FBXW2: variants seen among roughly 807,000 people sequenced by gnomAD.
The protein encoded by FBXW2 is F-box/WD repeat-containing protein 2.
A neutral mutation model predicts 46.0 loss-of-function variants in FBXW2; 12 were observed. That is an observed-to-expected ratio of 0.26 (90% CI 0.17 to 0.42). The LOEUF is 0.42. Among genes scored for constraint, FBXW2 ranks in the 10% least tolerant of loss-of-function variants. The pLI is 1.00. For synonymous variants in FBXW2, 203 were observed against 209.6 expected (o/e 0.97, Z 0.27); for missense variants, 360 against 537.0 (o/e 0.67, Z 3.26).
At position 120,774,337 on chromosome 9, in the gene FBXW2, CAAAA is replaced by C. The variant is rs34199690; in HGVS notation, c.820-1501_820-1498del. On this transcript the variant is annotated intron_variant, in intron 5 of 7. Coordinates refer to ENST00000608872, the MANE Select transcript of FBXW2 (RefSeq NM_012164.4). ...GCGCAACAAGAGTGAAACTCCATCTCAAAAAAAAAAAAAAAAAAAAAGAAATTAG... is the reference window on the plus strand; with the variant it reads ...GCGCAACAAGAGTGAAACTCCATCTCAAAAAAAAAAAAAAAAAGAAATTAG... 9.8e-3 allele frequency among the ~76,000 whole-genome samples: 748 copies of C among 76,100 alleles called. 11 individuals carry two copies. Among genetic ancestry groups the C allele is most frequent in the African/African-American group, 0.033 (684 of 20,544 alleles). 49.9% of individuals were successfully genotyped at this position (76,100 alleles called of 152,430 possible).
At chr9:120,782,909 T>C (rs1261010782) in intron 3 of FBXW2, among the ~76,000 whole-genome samples, 1 of 152,152 alleles carries the variant, frequency 6.6e-6, no homozygotes, top group African/African-American at 2.4e-5. Context: ...CTATATAGTG[T>C]ATTATATACT....
intron 4 of FBXW2, chr9:120,776,481 A>C (rs966103022): frequency 2.5e-6 from 1 of 406,598 alleles, no homozygotes; most frequent in African/African-American, 2.1e-5. Flanking sequence ...GAGAGGCAAA[A>C]CAAATGTTGG....
At chr9:120,785,356 A>G (rs1043540386) in intron 3 of FBXW2, among the ~76,000 whole-genome samples, 1 of 152,176 alleles carries the variant, frequency 6.6e-6, no homozygotes, top group African/African-American at 2.4e-5. Flanking sequence ...GAGACATGGA[A>G]AAGCCATCAC....
intron 2 of FBXW2, among the ~76,000 whole-genome samples, chr9:120,790,523 T>C (rs1036347369): frequency 9.9e-5 from 15 of 152,150 alleles, no homozygotes; most frequent in Non-Finnish European, 2.1e-4. Flanking sequence ...CACCTGCTCC[T>C]GAAACATTTT....
chr9:120,788,856 G>A (rs769804703), intron 2 of FBXW2, among the ~76,000 whole-genome samples: 4 of 152,128 alleles, frequency 2.6e-5, no homozygotes, highest in Non-Finnish European at 4.4e-5. Flanking sequence ...AAAAGGTTTA[G>A]GGAAGAAAAG....
intron 2 of FBXW2, among the ~76,000 whole-genome samples, chr9:120,790,998 T>G (rs977989093): frequency 1.3e-5 from 2 of 152,226 alleles, no homozygotes; most frequent in African/African-American, 4.8e-5. Flanking sequence ...CTCAATCCCT[T>G]GTAAGATTGA....
At chr9:120,784,079 T>C (rs2044669742) in intron 3 of FBXW2, among the ~76,000 whole-genome samples, 1 of 152,194 alleles carries the variant, frequency 6.6e-6, no homozygotes, top group South Asian at 2.1e-4. Context: ...TTTGGATCAT[T>C]TTCAACCACT....
rs759829299 is a variant in FBXW2 at position 120,776,077 on chromosome 9, T to C, written c.819+16A>G. 323 of 1,612,862 alleles carry C rather than the reference T, an allele frequency of 2.0e-4. No individual in the cohort carries two copies. The highest frequency in any genetic ancestry group is 2.7e-4 in the Non-Finnish European group (317 of 1,179,558). ...AAAAGCCTGATAAGCAGGAGACTTCTTCCAAGTCTTCCTACCTTGGTGACC... is the reference window on the plus strand; with the variant it reads ...AAAAGCCTGATAAGCAGGAGACTTCCTCCAAGTCTTCCTACCTTGGTGACC... On this transcript the variant is annotated intron_variant, in intron 5 of 7. Coordinates refer to ENST00000608872, the MANE Select transcript of FBXW2 (RefSeq NM_012164.4).
At position 120,771,320 on chromosome 9, in the gene FBXW2, TA is replaced by T. The variant is rs762049244; in HGVS notation, c.1076+27del. 5 of 1,585,006 alleles carry T rather than the reference TA, an allele frequency of 3.2e-6. No homozygotes were observed. The Admixed American group carries it at 7.1e-5, about 23-fold the overall frequency. ...CTGAACTGCAGCAGGCTTTCAAAGGTAAAGCGTGAGGTCGAAGGAAACATTA... is the reference window on the plus strand; with the variant it reads ...CTGAACTGCAGCAGGCTTTCAAAGGTAAGCGTGAGGTCGAAGGAAACATTA... On this transcript the variant is annotated intron_variant, in intron 7 of 7. Transcript: ENST00000608872.
chr9:120,787,704 T>C, intron 3 of FBXW2, 65 bp downstream of exon 3: 1 of 1,494,036 alleles, frequency 6.7e-7, no homozygotes, highest in South Asian at 1.3e-5. Flanking sequence ...AGCTCAAGAC[T>C]GGTTCAAGAT....
In FBXW2 at chr9:120,759,089, T is replaced by G. The variant is rs932831177; in HGVS notation, c.*5470A>C. On this transcript the variant is annotated 3_prime_UTR_variant, in exon 8 of 8. Transcript: ENST00000608872. Reference sequence around the variant, plus strand: ...AGCCACCTCAGATCACTCAAGGGGTTGTTCTATTTTCAAAAACACACTGAC... The same window carrying G: ...AGCCACCTCAGATCACTCAAGGGGTGGTTCTATTTTCAAAAACACACTGAC... 1 of 152,196 alleles carries G rather than the reference T, an allele frequency of 6.6e-6. No individual in the cohort carries two copies. The highest frequency in any genetic ancestry group is 2.4e-5 in the African/African-American group (1 of 41,454). The allele number at this position is 152,196 out of a possible 1,614,324, so 9.4% of individuals were successfully genotyped here.
At chr9:120,786,232 T>G (rs1391831846) in intron 3 of FBXW2, among the ~76,000 whole-genome samples, 2 of 152,116 alleles carry the variant, frequency 1.3e-5, no homozygotes, top group African/African-American at 4.8e-5. Context: ...TCCCCAGGTA[T>G]TGAGGGACAG....
In FBXW2 at chr9:120,761,848, T is replaced by C. The variant is rs2044201061; in HGVS notation, c.*2711A>G. 1 of 152,174 alleles carries C rather than the reference T, an allele frequency of 6.6e-6. No individual in the cohort carries two copies. Among genetic ancestry groups the C allele is most frequent in the Non-Finnish European group, 1.5e-5 (1 of 68,032 alleles). 9.4% of individuals were successfully genotyped at this position (152,174 alleles called of 1,614,324 possible). A position where few individuals can be genotyped will look rare whatever the true frequency, so the allele number is the denominator to read the frequency against. On this transcript the variant is annotated 3_prime_UTR_variant, in exon 8 of 8. Coordinates refer to ENST00000608872, the MANE Select transcript of FBXW2 (RefSeq NM_012164.4). ...ATTCCAGCGGCACCAAGTACCACCT[T>C]GATGACTTCTGTATTCACCACTAAA...
Position 120,772,834 on chromosome 9 carries a change from A to G in FBXW2, c.826T>C (p.Leu276=), listed in dbSNP as rs1364369069. Residue 276 remains leucine (L), a synonymous_variant, in exon 6 of 8, where the codon TTG becomes CTG. Coordinates refer to ENST00000608872, the MANE Select transcript of FBXW2 (RefSeq NM_012164.4). ...GHTEWVTKVV[L]QKCKVKSLLH... is the part of the protein sequence containing the mutation. ...AGAGACTTGACTTTGCACTTCTGCA[A>G]AACTACCTGCAAATGTAAACCATGT... 6 of 1,609,852 alleles carry G rather than the reference A, an allele frequency of 3.7e-6. No homozygotes were observed. Among genetic ancestry groups the G allele is most frequent in the Non-Finnish European group, 5.1e-6 (6 of 1,176,720 alleles).
intron 3 of FBXW2, among the ~76,000 whole-genome samples, chr9:120,782,183 G>T (rs2044629829): frequency 6.6e-6 from 1 of 151,184 alleles, no homozygotes; most frequent in Admixed American, 6.6e-5. Flanking sequence ...AAAGTAGAAT[G>T]GTGGGCCAGG....
At chr9:120,784,518 A>G (rs2044678099) in intron 3 of FBXW2, among the ~76,000 whole-genome samples, 1 of 151,858 alleles carries the variant, frequency 6.6e-6, no homozygotes, top group Admixed American at 6.6e-5. Flanking sequence ...GGAGGCTGAC[A>G]TGGGAGGATC....
intron 7 of FBXW2, among the ~76,000 whole-genome samples, chr9:120,767,140 G>C (rs1307140131): frequency 6.6e-6 from 1 of 152,078 alleles, no homozygotes; most frequent in Non-Finnish European, 1.5e-5. Context: ...ATAGAATACG[G>C]AAAGCCTGTC....
intron 7 of FBXW2, among the ~76,000 whole-genome samples, chr9:120,770,449 G>A (rs937583546): frequency 1.3e-5 from 2 of 152,040 alleles, no homozygotes; most frequent in African/African-American, 4.8e-5. Flanking sequence ...CATGCTATGG[G>A]ACGCTAACTT....
intron 6 of FBXW2, among the ~76,000 whole-genome samples, chr9:120,771,907 A>T (rs1181756797): frequency 6.6e-6 from 1 of 151,600 alleles, no homozygotes. Context: ...AAAAATACAA[A>T]AATTAGCCAG....
Sources: allele counts gnomAD v4.1 joint callset (sites outside exome capture counted in the v4.1 genomes callset), GRCh38; gene constraint gnomAD v4.1.1; transcripts MANE v1.5; gene names NCBI Gene and HGNC (gene_info 2026-07-23, HGNC 2026-07-21).